The following AMBN variants were observed in gnomAD, a reference collection of about 807,000 sequenced individuals.
AMBN encodes the protein enamel matrix protein.
Under a neutral mutation model 48.0 loss-of-function variants are expected in AMBN, and 54 were observed. The ratio of observed to expected loss-of-function variants is 1.12; its 90% CI spans 0.90 to 1.41. The LOEUF (loss-of-function observed/expected upper bound fraction) is 1.41, where lower values mean the gene tolerates loss of function less well. AMBN is among the 40% of genes most tolerant of loss of function. The pLI, the probability that AMBN is intolerant of heterozygous loss-of-function variation, is 0.00. For synonymous variants in AMBN, 186 were observed against 190.0 expected, an observed-to-expected ratio of 0.98 and a Z score of 0.17; for missense variants, 571 against 547.3, an observed-to-expected ratio of 1.04 and a Z score of -0.43.
intron 6 of AMBN, 86 bp downstream of exon 6, chr4:70,601,740 G>A (rs1399659254): frequency 5.7e-5 from 69 of 1,219,256 alleles, no homozygotes; most frequent in South Asian, 4.5e-4. Context: ...TTAAATAATC[G>A]TAGCCTTCAG....
intron 2 of AMBN, among the ~76,000 whole-genome samples, chr4:70,596,774 G>A (rs1737392790): frequency 6.6e-6 from 1 of 152,154 alleles, no homozygotes. Flanking sequence ...GCAGACAAAG[G>A]ATAGATGATG....
At position 70,602,976 on chromosome 4, in the gene AMBN, C is replaced by A. The variant is rs918377447; in HGVS notation, c.614C>A (p.Pro205Gln). Residue 205 changes from proline to glutamine, a missense_variant, in exon 9 of 13, where the codon CCA becomes CAA. By Grantham distance (76) the Pro-to-Gln change is moderately conservative. Transcript: ENST00000322937. ...DFPDPQGPSL[P>Q]GLDFADPQGS... ...TAATATTTATCTGTAATATAGCTCC[C>A]AGGATTGGATTTTGCTGATCCACAA... 1 of 1,604,044 alleles carries A rather than the reference C, an allele frequency of 6.2e-7. No homozygotes were observed. Among genetic ancestry groups the A allele is most frequent in the Non-Finnish European group, 8.5e-7 (1 of 1,175,386 alleles).
rs964924637 is a variant in AMBN at position 70,607,149 on chromosome 4, A to T, written c.*419A>T. ...AGCTAATTCATTTAAACTTTATTAAATGGGGATTGGTGGAAAACTCCTGAC... is the reference window on the plus strand; with the variant it reads ...AGCTAATTCATTTAAACTTTATTAATTGGGGATTGGTGGAAAACTCCTGAC... On this transcript the variant is annotated 3_prime_UTR_variant, in exon 13 of 13. Coordinates refer to ENST00000322937, the MANE Select transcript of AMBN (RefSeq NM_016519.6). 2 of 155,220 alleles carry T rather than the reference A, an allele frequency of 1.3e-5. No individual in the cohort carries two copies. The highest frequency in any genetic ancestry group is 3.8e-4 in the East Asian group (2 of 5,244). The allele number at this position is 155,220 out of a possible 1,614,324, so 9.6% of individuals were successfully genotyped here.
chr4:70,601,594 A>G lies in AMBN; in HGVS notation c.471A>G (p.Glu157=), dbSNP rs1389211685. ...PIHLGHLPLQ[E]GELPLVQQQV... is the part of the protein sequence containing the mutation. Reference sequence around the variant, plus strand: ...ACCTGGGACATCTGCCCTTGCAGGAAGGAGAACTGCCTCTGGTTCAGCAGC... The same window carrying G: ...ACCTGGGACATCTGCCCTTGCAGGAGGGAGAACTGCCTCTGGTTCAGCAGC... Residue 157 remains glutamate (E), a synonymous_variant, in exon 6 of 13, where the codon GAA becomes GAG. Coordinates refer to ENST00000322937, the MANE Select transcript of AMBN (RefSeq NM_016519.6). 6 of 1,614,152 alleles carry G rather than the reference A, an allele frequency of 3.7e-6. No homozygotes were observed. The highest frequency in any genetic ancestry group is 5.1e-6 in the Non-Finnish European group (6 of 1,180,004).
At chr4:70,597,071 A>G (rs767464468) in intron 3 of AMBN, 22 bp downstream of exon 3, 1 of 1,599,222 alleles carries the variant, frequency 6.3e-7, no homozygotes, top group Non-Finnish European at 8.6e-7. Context: ...CAGAATTTTT[A>G]ACATATTAAC....
intron 2 of AMBN, among the ~76,000 whole-genome samples, chr4:70,595,639 A>G (rs553464684): frequency 6.6e-6 from 1 of 152,286 alleles, no homozygotes; most frequent in Non-Finnish European, 1.5e-5. Context: ...TAATACTGAT[A>G]TATTTGGTAA....
chr4:70,593,536 C>T, intron 2 of AMBN, 141 bp downstream of exon 2: 2 of 683,094 alleles, frequency 2.9e-6, no homozygotes, highest in Non-Finnish European at 2.4e-6. Flanking sequence ...AGTCAAAAGC[C>T]ATAGTTGCTC....
chr4:70,599,400 C>G (rs1737464898), intron 4 of AMBN, 136 bp from the exon 5 acceptor site: 2 of 565,968 alleles, frequency 3.5e-6, no homozygotes, highest in African/African-American at 1.9e-5. Context: ...GAGATTGCGC[C>G]ACTGCACTCC....
At chr4:70,598,745 T>C (rs975442282) in intron 4 of AMBN, among the ~76,000 whole-genome samples, 1 of 152,048 alleles carries the variant, frequency 6.6e-6, no homozygotes, top group African/African-American at 2.4e-5. Context: ...AGAGTTCACC[T>C]ACCCATTTGA....
Position 70,606,505 on chromosome 4 carries a change from G to A in AMBN, c.1119G>A (p.Lys373=). ...CAAGGAGCCCTTCAGGGAAGATGAA[G>A]GGACTCCCCAGCGTCACCCCAGCAG... is the stretch of plus-strand genomic sequence containing the variant. ...GLPRSPSGKM[K]GLPSVTPAAA... Residue 373 remains lysine, a synonymous_variant, in exon 13 of 13, where the codon AAG becomes AAA. Coordinates refer to ENST00000322937, the MANE Select transcript of AMBN (RefSeq NM_016519.6). The A allele has an allele frequency of 6.2e-7, 1 of 1,614,060 alleles. No individual in the cohort carries two copies.
chr4:70,603,324 G>A lies in AMBN; in HGVS notation c.708+5G>A, dbSNP rs778627420. 1.2e-6 allele frequency: 2 copies of A among 1,612,808 alleles called. No homozygotes were observed. Among genetic ancestry groups the A allele is most frequent in the Non-Finnish European group, 8.5e-7 (1 of 1,179,378 alleles). On this transcript the variant is annotated splice_donor_5th_base_variant and intron_variant, in intron 10 of 12. Coordinates refer to ENST00000322937, the MANE Select transcript of AMBN (RefSeq NM_016519.6). ...CCACAAAATAAACAATCTCCAGTAAGTTTTTTTTAATACCACATCTCTGTT... is the reference window on the plus strand; with the variant it reads ...CCACAAAATAAACAATCTCCAGTAAATTTTTTTTAATACCACATCTCTGTT...
chr4:70,594,830 C>T lies in AMBN; in HGVS notation c.84+1435C>T, dbSNP rs1041587618. ...AATCAATTGGGTCCACTCTGAGGAA[C>T]AGAACAATTGCTTATTATTGCCAAC... is the stretch of plus-strand genomic sequence containing the variant. On this transcript the variant is annotated intron_variant, in intron 2 of 12. Transcript: ENST00000322937. Among the ~76,000 whole-genome samples the T allele has an allele frequency of 1.4e-4, 22 of 152,170 alleles. No individual in the cohort carries two copies. In the South Asian group the frequency reaches 1.9e-3, roughly 13 times the overall value.
At chr4:70,597,081 C>T (rs760758795) in intron 3 of AMBN, 32 bp downstream of exon 3, 2 of 1,576,428 alleles carry the variant, frequency 1.3e-6, no homozygotes, top group Non-Finnish European at 1.7e-6. Context: ...AACATATTAA[C>T]TTTACATTGG....
At chr4:70,593,097 T>C (rs1004736548) in intron 1 of AMBN, among the ~76,000 whole-genome samples, 1 of 152,202 alleles carries the variant, frequency 6.6e-6, no homozygotes, top group Non-Finnish European at 1.5e-5. Context: ...AGGCTGTAGA[T>C]CCATTTAAAA....
At chr4:70,598,245 T>C (rs1021281654) in intron 3 of AMBN, 111 bp from the exon 4 acceptor site, 21 of 629,170 alleles carry the variant, frequency 3.3e-5, no homozygotes, top group Non-Finnish European at 5.0e-5. Context: ...TTCATTTTAT[T>C]AAATTGATTC....
intron 2 of AMBN, among the ~76,000 whole-genome samples, chr4:70,595,240 T>G (rs1737362434): frequency 1.4e-5 from 2 of 142,856 alleles, no homozygotes; most frequent in East Asian, 2.1e-4. Context: ...CGGGCTGGAG[T>G]GCAATGCTGA....
chr4:70,605,886 A>G (rs1250229132), intron 12 of AMBN, among the ~76,000 whole-genome samples: 2 of 152,198 alleles, frequency 1.3e-5, no homozygotes, highest in Admixed American at 6.5e-5. Flanking sequence ...ACTCATTTCA[A>G]CTGCTTGTTT....
intron 1 of AMBN, among the ~76,000 whole-genome samples, chr4:70,592,650 A>C (rs753699796): frequency 2.0e-5 from 3 of 152,116 alleles, no homozygotes; most frequent in Non-Finnish European, 4.4e-5. Context: ...TTTCTAGGCT[A>C]TTCAGATCTC....
In AMBN at chr4:70,606,792, T is replaced by C. The variant is rs1577958824; in HGVS notation, c.*62T>C. 8 of 1,525,406 alleles carry C rather than the reference T, an allele frequency of 5.2e-6. No homozygotes were observed. The South Asian group carries it at 6.4e-5, about 12-fold the overall frequency. 94.5% of individuals were successfully genotyped at this position (1,525,406 alleles called of 1,614,324 possible). On this transcript the variant is annotated 3_prime_UTR_variant, in exon 13 of 13. Coordinates refer to ENST00000322937, the MANE Select transcript of AMBN (RefSeq NM_016519.6). ...GCTTCCCAGCTTTGTCCCCACAGTG[T>C]ACCTTTTTGCTAAAACACTTATTAC...
Sources: gnomAD v4.1 joint callset for allele counts (sites outside exome capture counted in the v4.1 genomes callset) on GRCh38, gnomAD v4.1.1 for gene constraint, MANE v1.5 for transcripts, NCBI Gene and HGNC (gene_info 2026-07-23, HGNC 2026-07-21) for gene names.